Variants in PRKAG2 observed in about 807,000 individuals in gnomAD.
PRKAG2 encodes the protein 5'-AMP-activated protein kinase subunit gamma-2.
In PRKAG2, 26 loss-of-function variants were observed where a neutral mutation model predicts 69.6. The observed-to-expected ratio is 0.37, with a 90% CI of 0.27 to 0.52. The LOEUF (loss-of-function observed/expected upper bound fraction) is 0.52. PRKAG2 is among the 20% of genes least tolerant of loss of function. The pLI, the probability that PRKAG2 is intolerant of heterozygous loss-of-function variation, is 0.90. For missense variants in PRKAG2, 557 were observed against 740.0 expected (o/e 0.75, Z 2.87); for synonymous variants, 293 against 285.0 (o/e 1.03, Z -0.28).
At chr7:151,587,378 C>T (rs1811938398) in intron 6 of PRKAG2, among the ~76,000 whole-genome samples, 1 of 152,180 alleles carries the variant, frequency 6.6e-6, no homozygotes. Context: ...ACTCACGTAG[C>T]TGCTCAGCCC....
intron 3 of PRKAG2, among the ~76,000 whole-genome samples, chr7:151,745,042 G>C (rs920165797): frequency 6.6e-6 from 1 of 152,188 alleles, no homozygotes; most frequent in African/African-American, 2.4e-5. Flanking sequence ...TGTGGGGGTC[G>C]ACACTGGCTC....
Position 151,781,149 on chromosome 7 carries a change from T to A in PRKAG2, c.466+3A>T. ...ACCTGAAACAATAGCATCAAGGTCT[T>A]ACTTTTTCTGGAGCGGGAGAAAAAC... On this transcript the variant is annotated splice_donor_region_variant and intron_variant, in intron 3 of 15. Coordinates refer to ENST00000287878, the MANE Select transcript of PRKAG2 (RefSeq NM_016203.4). This position sits in a 1 kb window ranked among gnomAD's most constrained non-coding sequence, Gnocchi z 6.1. The A allele has an allele frequency of 6.2e-7, 1 of 1,613,940 alleles. No homozygotes were observed. The highest frequency in any genetic ancestry group is 8.5e-7 in the Non-Finnish European group (1 of 1,180,036).
intron 3 of PRKAG2, among the ~76,000 whole-genome samples, chr7:151,701,400 A>T (rs1237320659): frequency 6.6e-6 from 1 of 152,234 alleles, no homozygotes; most frequent in East Asian, 1.9e-4. Context: ...ACATAGGGTC[A>T]TTGCAGATAT....
At position 151,580,380 on chromosome 7, in the gene PRKAG2, C is replaced by T. The variant is rs778084643; in HGVS notation, c.865-3928G>A. Reference sequence around the variant, plus strand: ...TAAAAAATACTTAAGGAGTCCTCTGCACTGAAGGAAAGATTCTAGACCTGC... The same window carrying T: ...TAAAAAATACTTAAGGAGTCCTCTGTACTGAAGGAAAGATTCTAGACCTGC... On this transcript the variant is annotated intron_variant, in intron 6 of 15. Coordinates refer to ENST00000287878, the MANE Select transcript of PRKAG2 (RefSeq NM_016203.4). 5.9e-4 allele frequency among the ~76,000 whole-genome samples: 89 copies of T among 152,058 alleles called. 2 individuals are homozygous for T. Among genetic ancestry groups the T allele is most frequent in the Non-Finnish European group, 6.8e-4 (46 of 67,968 alleles).
intron 3 of PRKAG2, among the ~76,000 whole-genome samples, chr7:151,678,385 T>G (rs1265578591): frequency 6.6e-6 from 1 of 152,132 alleles, no homozygotes; most frequent in Admixed American, 6.5e-5. Flanking sequence ...GAAAGAACAG[T>G]GAGAGGACCG....
chr7:151,601,636 C>T (rs1219415865), intron 5 of PRKAG2, among the ~76,000 whole-genome samples: 2 of 152,148 alleles, frequency 1.3e-5, no homozygotes, highest in Non-Finnish European at 2.9e-5. Flanking sequence ...TCCTGCCCTG[C>T]CTGGGTTCCA....
intron 6 of PRKAG2, among the ~76,000 whole-genome samples, chr7:151,578,520 T>C (rs549198706): frequency 6.6e-6 from 1 of 152,366 alleles, no homozygotes; most frequent in East Asian, 1.9e-4. Context: ...ATGTACCTAG[T>C]TCACCTACAC....
chr7:151,622,210 C>T (rs574965780), intron 5 of PRKAG2, among the ~76,000 whole-genome samples: 1 of 152,268 alleles, frequency 6.6e-6, no homozygotes, highest in African/African-American at 2.4e-5. Context: ...TCCAAGTCCC[C>T]GCAAGTGTCC....
intron 1 of PRKAG2, among the ~76,000 whole-genome samples, chr7:151,816,709 C>T (rs1212489219): frequency 2.6e-5 from 4 of 152,230 alleles, no homozygotes; most frequent in Non-Finnish European, 4.4e-5. Context: ...CCCCGGGCAC[C>T]GATGCAAGTG....
chr7:151,767,079 G>T (rs1297526623), intron 3 of PRKAG2, among the ~76,000 whole-genome samples: 1 of 152,184 alleles, frequency 6.6e-6, no homozygotes, highest in Non-Finnish European at 1.5e-5. Flanking sequence ...GGGGAAATTT[G>T]AACACAGAGA....
intron 5 of PRKAG2, among the ~76,000 whole-genome samples, chr7:151,608,581 A>G (rs916120632): frequency 6.6e-6 from 1 of 152,196 alleles, no homozygotes; most frequent in African/African-American, 2.4e-5. Context: ...GTATCTTGCA[A>G]GTCACTGAAG....
chr7:151,722,153 C>T (rs982690731), intron 3 of PRKAG2, among the ~76,000 whole-genome samples: 2 of 152,190 alleles, frequency 1.3e-5, no homozygotes, highest in Admixed American at 6.5e-5. Flanking sequence ...CATTAGTTGG[C>T]TCTCTCATTT....
chr7:151,727,783 G>A (rs541716684), intron 3 of PRKAG2, among the ~76,000 whole-genome samples: 33 of 152,274 alleles, frequency 2.2e-4, no homozygotes, highest in South Asian at 8.3e-4. Flanking sequence ...CAGGGCAGCC[G>A]GGTCAGCGTT....
At chr7:151,625,956 T>C (rs969476842) in intron 5 of PRKAG2, among the ~76,000 whole-genome samples, 3 of 152,070 alleles carry the variant, frequency 2.0e-5, no homozygotes, top group African/African-American at 7.3e-5. Flanking sequence ...GTGAGTTATA[T>C]CACAGGGGTC....
intron 3 of PRKAG2, among the ~76,000 whole-genome samples, chr7:151,709,826 T>C (rs574970450): frequency 1.3e-5 from 2 of 152,198 alleles, no homozygotes; most frequent in East Asian, 3.9e-4. Flanking sequence ...TGATGTGTGA[T>C]GCTGTGAGTG....
chr7:151,800,466 A>C (rs1455732611), intron 1 of PRKAG2, among the ~76,000 whole-genome samples: 1 of 151,906 alleles, frequency 6.6e-6, no homozygotes, highest in Admixed American at 6.6e-5. Context: ...AGGCCTTCCC[A>C]AAACAAATTC....
At chr7:151,663,316 A>G (rs1830587952) in intron 4 of PRKAG2, among the ~76,000 whole-genome samples, 1 of 152,204 alleles carries the variant, frequency 6.6e-6, no homozygotes, top group Non-Finnish European at 1.5e-5. Flanking sequence ...CTCTGAAGGC[A>G]AGGAGTATAA....
intron 3 of PRKAG2, among the ~76,000 whole-genome samples, chr7:151,715,740 G>C (rs945082007): frequency 7.9e-5 from 12 of 152,100 alleles, no homozygotes; most frequent in South Asian, 6.2e-4. Context: ...TAGGGGGAAG[G>C]CTGAAGAATT....
intron 1 of PRKAG2, among the ~76,000 whole-genome samples, chr7:151,870,142 TAGATAGATAGATAGGCAGGC>T (rs1396114077): frequency 9.9e-5 from 13 of 131,568 alleles, no homozygotes; most frequent in African/African-American, 1.4e-4. Context: ...GATAGATAGA[TAGATAGATAGATAGGCAGGC>T]AGGCAGGCAG....
Sources: allele counts gnomAD v4.1 joint callset (sites outside exome capture counted in the v4.1 genomes callset), GRCh38; gene constraint gnomAD v4.1.1; non-coding constraint Gnocchi (gnomAD v3.1); transcripts MANE v1.5; gene names NCBI Gene and HGNC (gene_info 2026-07-23, HGNC 2026-07-21).